The following IQCK variants were observed in gnomAD, a reference collection of about 807,000 sequenced individuals.
The protein encoded by IQCK is IQ motif containing K, also known as IQ domain-containing protein K.
Under a neutral mutation model 28.1 loss-of-function variants are expected in IQCK, and 29 were observed. The ratio of observed to expected loss-of-function variants is 1.03; its 90% CI spans 0.77 to 1.41. The LOEUF (loss-of-function observed/expected upper bound fraction) is 1.41. Ranked by LOEUF, IQCK falls within the 40% of genes most tolerant of loss-of-function variation. The pLI, the probability that IQCK is intolerant of heterozygous loss-of-function variation, is 0.00. For synonymous variants in IQCK, 113 were observed against 115.1 expected, an observed-to-expected ratio of 0.98 and a Z score of 0.12; for missense variants, 359 against 314.7, an observed-to-expected ratio of 1.14 and a Z score of -1.07.
chr16:19,853,534 C>G (rs2056512739), intron 9 of IQCK, among the ~76,000 whole-genome samples: 2 of 152,210 alleles, frequency 1.3e-5, no homozygotes, highest in African/African-American at 2.4e-5. Flanking sequence ...TTGAAGAAAA[C>G]TAAAGAAAAC....
At chr16:19,829,833 A>C (rs1403337323), downstream of IQCK, among the ~76,000 whole-genome samples, 2 of 152,210 alleles carry the variant, frequency 1.3e-5, no homozygotes, top group African/African-American at 4.8e-5. Flanking sequence ...ATTAAATGCA[A>C]TTACTTTTGC....
chr16:19,755,630 C>T (rs1597523689), intron 4 of IQCK, among the ~76,000 whole-genome samples: 1 of 152,342 alleles, frequency 6.6e-6, no homozygotes, highest in East Asian at 1.9e-4. Flanking sequence ...TGTTGGATGA[C>T]TGTAGCCTCA....
chr16:19,806,556 G>T (rs978572272), intron 7 of IQCK, among the ~76,000 whole-genome samples: 2 of 151,616 alleles, frequency 1.3e-5, no homozygotes, highest in Non-Finnish European at 2.9e-5. Context: ...TGAGTGTGGT[G>T]GCACACACCT....
intron 7 of IQCK, among the ~76,000 whole-genome samples, chr16:19,811,691 T>A (rs1489927385): frequency 6.6e-6 from 1 of 152,190 alleles, no homozygotes; most frequent in African/African-American, 2.4e-5. Context: ...ATTTTGTGGA[T>A]TTGAAATAAT....
intron 4 of IQCK, among the ~76,000 whole-genome samples, chr16:19,754,604 A>T (rs926872873): frequency 4.6e-4 from 70 of 151,344 alleles, no homozygotes; most frequent in African/African-American, 1.7e-3. Flanking sequence ...TACTACGAAT[A>T]ATTCTGTAAA....
intron 4 of IQCK, among the ~76,000 whole-genome samples, chr16:19,760,506 C>G (rs2055122100): frequency 6.6e-6 from 1 of 152,180 alleles, no homozygotes; most frequent in Middle Eastern, 3.2e-3. Context: ...GGGCTTAATT[C>G]ATTACATCTG....
intron 7 of IQCK, among the ~76,000 whole-genome samples, chr16:19,811,931 A>G (rs527279135): frequency 1.3e-5 from 2 of 152,206 alleles, no homozygotes; most frequent in Non-Finnish European, 2.9e-5. Flanking sequence ...TCTGTTTTGA[A>G]CAAGTACCTT....
chr16:19,844,952 G>T (rs917839805), intron 9 of IQCK, among the ~76,000 whole-genome samples: 7 of 152,084 alleles, frequency 4.6e-5, no homozygotes, highest in African/African-American at 1.7e-4. Context: ...GGGACTACAG[G>T]CACACGTCAC....
intron 6 of IQCK, among the ~76,000 whole-genome samples, chr16:19,776,007 A>G (rs1273118933): frequency 6.7e-6 from 1 of 150,008 alleles, no homozygotes; most frequent in Non-Finnish European, 1.5e-5. Context: ...TCAGCCTCCC[A>G]AGTAGCTGGG....
At chr16:19,774,523 G>T (rs2055364704) in intron 6 of IQCK, among the ~76,000 whole-genome samples, 1 of 149,570 alleles carries the variant, frequency 6.7e-6, no homozygotes, top group Non-Finnish European at 1.5e-5. Context: ...GGGATTACAG[G>T]TGTGTACCAC....
chr16:19,758,859 G>T (rs896593910), intron 4 of IQCK, among the ~76,000 whole-genome samples: 1 of 152,080 alleles, frequency 6.6e-6, no homozygotes, highest in African/African-American at 2.4e-5. Context: ...TCCAATAAAG[G>T]TTTCGGTAAA....
chr16:19,807,657 C>A (rs1439894725), intron 7 of IQCK, among the ~76,000 whole-genome samples: 1 of 152,150 alleles, frequency 6.6e-6, no homozygotes, highest in Non-Finnish European at 1.5e-5. Context: ...TGGGTGACAG[C>A]CTAGTAGGGT....
At chr16:19,766,084 T>A (rs1247873684) in intron 6 of IQCK, 1 of 152,342 alleles carries the variant, frequency 6.6e-6, no homozygotes, top group Middle Eastern at 3.4e-3. Context: ...AGCTCTTGCT[T>A]TAACGGGCAT....
downstream of IQCK, among the ~76,000 whole-genome samples, chr16:19,832,106 A>G (rs2056239495): frequency 6.6e-6 from 1 of 152,074 alleles, no homozygotes; most frequent in South Asian, 2.1e-4. Flanking sequence ...TCACATAGTC[A>G]GTAATTGTTT....
chr16:19,753,249 A>G lies in IQCK; in HGVS notation c.475-10599A>G, dbSNP rs80299411. ...ACATAGCAAAACCCCTATCTCTACAAAAAAAAAAAAAAATTTTTGAAAATT... is the reference window on the plus strand; with the variant it reads ...ACATAGCAAAACCCCTATCTCTACAGAAAAAAAAAAAAATTTTTGAAAATT... On this transcript the variant is annotated intron_variant, in intron 4 of 7. Coordinates refer to ENST00000564186, the Ensembl canonical transcript of IQCK. Among the ~76,000 whole-genome samples, 4 of 137,236 alleles carry G rather than the reference A, an allele frequency of 2.9e-5. No homozygotes were observed. The East Asian group carries it at 7.9e-4, about 27-fold the overall frequency. 90.0% of individuals were successfully genotyped at this position (137,236 alleles called of 152,430 possible).
intron 9 of IQCK, among the ~76,000 whole-genome samples, chr16:19,852,619 CTTT>C (rs768835414): frequency 7.4e-6 from 1 of 135,282 alleles, no homozygotes; most frequent in African/African-American, 2.7e-5. Context: ...TTTCCTTCAA[CTTT>C]TTTTTTTTTT....
At chr16:19,761,218 G>T in intron 4 of IQCK, 1 of 350,340 alleles carries the variant, frequency 2.9e-6, no homozygotes, top group Non-Finnish European at 5.7e-6. Context: ...TGGTTCACGT[G>T]CCTCTGACAT....
At chr16:19,828,689 C>T (rs183493149), downstream of IQCK, among the ~76,000 whole-genome samples, 1 of 149,094 alleles carries the variant, frequency 6.7e-6, no homozygotes. Context: ...CCAGCCTGGC[C>T]AACATGGTGA....
intron 7 of IQCK, among the ~76,000 whole-genome samples, chr16:19,802,678 T>G (rs1490273909): frequency 6.6e-6 from 1 of 151,522 alleles, no homozygotes; most frequent in Non-Finnish European, 1.5e-5. Flanking sequence ...CCATCTCACC[T>G]TGGAAATCAC....
Sources: gnomAD v4.1 joint callset for allele counts (sites outside exome capture counted in the v4.1 genomes callset) on GRCh38, gnomAD v4.1.1 for gene constraint, MANE v1.5 for transcripts, NCBI Gene and HGNC (gene_info 2026-07-23, HGNC 2026-07-21) for gene names.